The following STIM1 variants were observed in gnomAD, a reference collection of about 807,000 sequenced individuals.
The protein encoded by STIM1 is stromal interaction molecule 1.
Under a neutral mutation model 74.7 loss-of-function variants are expected in STIM1, and 25 were observed. The observed-to-expected ratio is 0.33, with a 90% CI of 0.24 to 0.47. The LOEUF is 0.47. STIM1 is among the 20% of genes least tolerant of loss of function. The pLI is 1.00. For synonymous variants in STIM1, 328 were observed against 348.8 expected, an observed-to-expected ratio of 0.94 and a Z score of 0.66; for missense variants, 728 against 920.8, an observed-to-expected ratio of 0.79 and a Z score of 2.71.
chr11:4,052,177 T>C (rs568580382), intron 3 of STIM1, among the ~76,000 whole-genome samples: 20 of 152,288 alleles, frequency 1.3e-4, no homozygotes, highest in East Asian at 3.9e-4. Flanking sequence ...AATGGCCATA[T>C]TGCCCAAGGT....
intron 5 of STIM1, among the ~76,000 whole-genome samples, chr11:4,064,406 C>G (rs1380419027): frequency 2.6e-5 from 4 of 152,158 alleles, no homozygotes; most frequent in Non-Finnish European, 4.4e-5. Context: ...GAGGCCTGTA[C>G]TGGCTCTGAC....
intron 1 of STIM1, among the ~76,000 whole-genome samples, chr11:3,932,636 T>G (rs1167147286): frequency 7.5e-6 from 1 of 132,710 alleles, no homozygotes; most frequent in Non-Finnish European, 1.5e-5. Flanking sequence ...CACTCCAGCC[T>G]GGGCAAGAGT....
chr11:3,993,754 T>C (rs532994219), intron 2 of STIM1, among the ~76,000 whole-genome samples: 1 of 152,338 alleles, frequency 6.6e-6, no homozygotes, highest in South Asian at 2.1e-4. Flanking sequence ...CCCTATTTAA[T>C]AATGAAATCT....
chr11:3,910,857 C>G (rs939281491), intron 1 of STIM1, among the ~76,000 whole-genome samples: 5 of 151,610 alleles, frequency 3.3e-5, no homozygotes, highest in African/African-American at 1.2e-4. Flanking sequence ...GTGGTGGTGC[C>G]TGCCTATAAT....
intron 3 of STIM1, among the ~76,000 whole-genome samples, chr11:4,053,701 G>T (rs773988099): frequency 1.3e-5 from 2 of 151,726 alleles, no homozygotes; most frequent in Non-Finnish European, 2.9e-5. Context: ...TGCACATTGT[G>T]CACATGTACC....
intron 1 of STIM1, among the ~76,000 whole-genome samples, chr11:3,929,936 C>T (rs1157584764): frequency 1.3e-5 from 2 of 152,170 alleles, no homozygotes; most frequent in Non-Finnish European, 2.9e-5. Flanking sequence ...CACCTTTCTA[C>T]TTCCAGCAGC....
At chr11:3,861,981 T>G (rs2090630732) in intron 1 of STIM1, among the ~76,000 whole-genome samples, 1 of 152,104 alleles carries the variant, frequency 6.6e-6, no homozygotes, top group African/African-American at 2.4e-5. Flanking sequence ...TGTGGTACAT[T>G]TCCCTTTGTG....
intron 3 of STIM1, among the ~76,000 whole-genome samples, chr11:4,042,276 A>G (rs1377508974): frequency 6.6e-6 from 1 of 152,044 alleles, no homozygotes; most frequent in Non-Finnish European, 1.5e-5. Flanking sequence ...CATACCTTTT[A>G]TTTCATTTTC....
At chr11:3,895,608 C>CTTTCTT (rs1425601524) in intron 1 of STIM1, among the ~76,000 whole-genome samples, 2 of 53,124 alleles carry the variant, frequency 3.8e-5, no homozygotes, top group African/African-American at 1.1e-4. Context: ...TTCTTTCTCT[C>CTTTCTT]TCTTTCTTTC....
intron 1 of STIM1, among the ~76,000 whole-genome samples, chr11:3,915,260 A>C (rs2092626026): frequency 6.6e-6 from 1 of 151,814 alleles, no homozygotes; most frequent in Non-Finnish European, 1.5e-5. Flanking sequence ...CTTTAAATTT[A>C]TTTTTATTTT....
chr11:4,006,043 C>A (rs569021011), intron 2 of STIM1, among the ~76,000 whole-genome samples: 1 of 152,240 alleles, frequency 6.6e-6, no homozygotes, highest in East Asian at 1.9e-4. Flanking sequence ...GGTTCTGTGT[C>A]CCCACCAAAT....
chr11:4,074,717 TGGG>T (rs756875702), intron 7 of STIM1, 38 bp downstream of exon 7: 2 of 1,548,970 alleles, frequency 1.3e-6, no homozygotes. Context: ...CCTTGACGGG[TGGG>T]TAAAGGGCAG....
Position 4,086,928 on chromosome 11 carries a change from C to T in STIM1, c.1634+385C>T, listed in dbSNP as rs2094497456. On this transcript the variant is annotated intron_variant, in intron 12 of 12. Transcript: ENST00000526596. Reference sequence around the variant, plus strand: ...TCTGCTGCTTTTACCTTGGTTTCTGCCTGCCAGCTGCTGCTTGATCAACTC... The same window carrying T: ...TCTGCTGCTTTTACCTTGGTTTCTGTCTGCCAGCTGCTGCTTGATCAACTC... 1.6e-5 allele frequency: 24 copies of T among 1,485,640 alleles called. No homozygotes were observed. In the South Asian group the frequency reaches 2.9e-4, roughly 18 times the overall value. The allele number at this position is 1,485,640 out of a possible 1,614,324, so 92.0% of individuals were successfully genotyped here.
chr11:3,870,205 T>C (rs1439440680), intron 1 of STIM1, among the ~76,000 whole-genome samples: 1 of 152,168 alleles, frequency 6.6e-6, no homozygotes, highest in African/African-American at 2.4e-5. Context: ...ATACAGTAAC[T>C]CCATGGTGGA....
intron 1 of STIM1, chr11:3,922,042 A>C (rs1213059175): frequency 6.6e-6 from 1 of 152,210 alleles, no homozygotes; most frequent in Non-Finnish European, 1.5e-5. Flanking sequence ...CGTAACCCTC[A>C]GAAACTGTAT....
chr11:4,040,112 C>T (rs970415093), intron 3 of STIM1, among the ~76,000 whole-genome samples: 4 of 152,134 alleles, frequency 2.6e-5, no homozygotes, highest in Non-Finnish European at 5.9e-5. Flanking sequence ...TATTTTAATG[C>T]TGTAGTTCTC....
chr11:3,895,608 CTCTTTCTTTCTT>C lies in STIM1; in HGVS notation c.139+39254_139+39265del, dbSNP rs1157112648. Among the ~76,000 whole-genome samples the C allele has an allele frequency of 2.8e-4, 15 of 53,116 alleles. 1 individual carries two copies. Among genetic ancestry groups the C allele is most frequent in the African/African-American group, 7.9e-4 (7 of 8,906 alleles). The allele number at this position is 53,116 out of a possible 152,430, so 34.8% of individuals were successfully genotyped here. A position where few individuals can be genotyped will look rare whatever the true frequency, so the allele number is the denominator to read the frequency against. On this transcript the variant is annotated intron_variant, in intron 1 of 12. Transcript: ENST00000526596. ...CGGGAATAGTGTTCTTTCTTTCTCT[CTCTTTCTTTCTT>C]TCTTTCTTTCTTTCTTTCTTTCTTT...
At chr11:4,007,938 G>T (rs1405464921) in intron 2 of STIM1, among the ~76,000 whole-genome samples, 2 of 152,074 alleles carry the variant, frequency 1.3e-5, no homozygotes, top group East Asian at 1.9e-4. Context: ...AGAGATAGGG[G>T]ATTGAGACCT....
In STIM1 at chr11:4,055,529, A is replaced by G; in HGVS notation, c.389A>G (p.Tyr130Cys). 6.3e-7 allele frequency: 1 copy of G among 1,593,992 alleles called. No homozygotes were observed. Among genetic ancestry groups the G allele is most frequent in the Non-Finnish European group, 8.5e-7 (1 of 1,170,628 alleles). The part of the protein sequence containing the change: ...LWKAWKSSEV[Y>C]NWTVDEVVQW... The stretch of plus-strand genomic sequence containing the variant: ...CTTTGCTTGTCTCTTTTCACAGTAT[A>G]CAATTGGACCGTGGATGAGGTGGTA... Residue 130 changes from tyrosine to cysteine, a missense_variant, in exon 4 of 13, where the codon TAC (tyrosine) becomes TGC (cysteine). By Grantham distance (194) the Tyr-to-Cys change is radical. Coordinates refer to ENST00000526596, the MANE Select transcript of STIM1 (RefSeq NM_001382567.1).
Sources: allele counts gnomAD v4.1 joint callset (sites outside exome capture counted in the v4.1 genomes callset), GRCh38; gene constraint gnomAD v4.1.1; transcripts MANE v1.5; gene names NCBI Gene and HGNC (gene_info 2026-07-23, HGNC 2026-07-21).